NELL1: variants seen among roughly 807,000 people sequenced by gnomAD.
The protein encoded by NELL1 is protein kinase C-binding protein NELL1.
Under a neutral mutation model 107.4 loss-of-function variants are expected in NELL1, and 76 were observed. The observed-to-expected ratio is 0.71, with a 90% CI of 0.59 to 0.86. The LOEUF (loss-of-function observed/expected upper bound fraction) is 0.86. Ranked by LOEUF, NELL1 falls within the 40% of genes least tolerant of loss-of-function variation. The pLI is 0.00. For synonymous variants in NELL1, 353 were observed against 341.2 expected, an observed-to-expected ratio of 1.03 and a Z score of -0.38; for missense variants, 1,024 against 1,005.5, an observed-to-expected ratio of 1.02 and a Z score of -0.25.
intron 14 of NELL1, among the ~76,000 whole-genome samples, chr11:21,233,539 A>T (rs780189925): frequency 6.6e-6 from 1 of 152,194 alleles, no homozygotes; most frequent in Admixed American, 6.5e-5. Context: ...TACAATGATA[A>T]CCTAGAATTT....
At chr11:21,440,796 A>G (rs1210471821) in intron 15 of NELL1, among the ~76,000 whole-genome samples, 2 of 152,148 alleles carry the variant, frequency 1.3e-5, no homozygotes, top group East Asian at 3.8e-4. Flanking sequence ...GGTATTGGGT[A>G]GGAACAAAGA....
chr11:20,756,641 G>C (rs542989218), intron 2 of NELL1, among the ~76,000 whole-genome samples: 1 of 149,228 alleles, frequency 6.7e-6, no homozygotes, highest in African/African-American at 2.5e-5. Flanking sequence ...GATTACAGGC[G>C]TGAGCCACCA....
chr11:21,035,868 T>C (rs1853079108), intron 12 of NELL1, among the ~76,000 whole-genome samples: 1 of 152,086 alleles, frequency 6.6e-6, no homozygotes, highest in South Asian at 2.1e-4. Context: ...CAACATAGTA[T>C]TGGAAGTCTT....
intron 15 of NELL1, among the ~76,000 whole-genome samples, chr11:21,445,157 T>A (rs563091394): frequency 1.3e-5 from 2 of 152,214 alleles, no homozygotes; most frequent in Non-Finnish European, 2.9e-5. Context: ...TAGTTATTAT[T>A]TTATAGGTTC....
In NELL1 at chr11:21,575,451, T is replaced by C. The variant is rs1451725377; in HGVS notation, c.*429T>C. 5.8e-6 allele frequency: 1 copy of C among 171,648 alleles called. No individual in the cohort carries two copies. The highest frequency in any genetic ancestry group is 2.4e-5 in the African/African-American group (1 of 41,830). The allele number at this position is 171,648 out of a possible 1,614,324, so 10.6% of individuals were successfully genotyped here. A position where few individuals can be genotyped will look rare whatever the true frequency, so the allele number is the denominator to read the frequency against. On this transcript the variant is annotated 3_prime_UTR_variant, in exon 20 of 20. Transcript: ENST00000357134. ...CAAATTCTAAAATAAAGTTGCCTGT[T>C]GTGACTTTTGTCCCATCTACTGCAT...
intron 15 of NELL1, among the ~76,000 whole-genome samples, chr11:21,506,830 A>G (rs945497656): frequency 2.4e-4 from 36 of 152,194 alleles, no homozygotes; most frequent in African/African-American, 7.7e-4. Flanking sequence ...CCATAGCCAG[A>G]GAGACAATAG....
intron 3 of NELL1, among the ~76,000 whole-genome samples, chr11:20,817,884 C>A (rs1857658659): frequency 6.6e-6 from 1 of 151,656 alleles, no homozygotes; most frequent in African/African-American, 2.4e-5. Context: ...AAAAGTCATT[C>A]AGGAACTAGT....
intron 14 of NELL1, among the ~76,000 whole-genome samples, chr11:21,358,565 A>AT (rs75578174): frequency 0.15 from 14,906 of 97,332 alleles, 993 homozygotes; most frequent in Admixed American, 0.2. Context: ...TGCCCTGATA[A>AT]TTTTTTTTTT....
At chr11:21,335,309 A>G (rs1850366669) in intron 14 of NELL1, among the ~76,000 whole-genome samples, 1 of 152,014 alleles carries the variant, frequency 6.6e-6, no homozygotes, top group Non-Finnish European at 1.5e-5. Context: ...TTATGCAATC[A>G]ATTTGACTTT....
intron 4 of NELL1, among the ~76,000 whole-genome samples, chr11:20,882,656 C>T (rs1195612253): frequency 6.6e-6 from 1 of 152,192 alleles, no homozygotes; most frequent in African/African-American, 2.4e-5. Flanking sequence ...ACAAGACTTT[C>T]ACTTAAGTAT....
intron 16 of NELL1, among the ~76,000 whole-genome samples, chr11:21,545,930 G>C (rs1435950777): frequency 6.6e-6 from 1 of 151,932 alleles, no homozygotes; most frequent in African/African-American, 2.4e-5. Flanking sequence ...CTAGTGATCT[G>C]TGTTTTAATG....
chr11:21,024,740 CA>C (rs1852776415), intron 12 of NELL1, among the ~76,000 whole-genome samples: 1 of 152,004 alleles, frequency 6.6e-6, no homozygotes. Context: ...ATTTAGTTTC[CA>C]GGGTTTATTC....
At chr11:21,371,511 G>GTAAATAAA (rs1295690493) in intron 15 of NELL1, among the ~76,000 whole-genome samples, 1 of 152,100 alleles carries the variant, frequency 6.6e-6, no homozygotes. Flanking sequence ...TGCAATAAAT[G>GTAAATAAA]TTGTGTTTAC....
intron 12 of NELL1, among the ~76,000 whole-genome samples, chr11:21,044,876 T>G (rs938699298): frequency 2.6e-5 from 4 of 152,078 alleles, no homozygotes; most frequent in African/African-American, 9.7e-5. Context: ...GTCTCAGAGA[T>G]GGGGAAGAGG....
At chr11:20,860,356 C>T (rs568194878) in intron 4 of NELL1, among the ~76,000 whole-genome samples, 3 of 152,268 alleles carry the variant, frequency 2.0e-5, no homozygotes, top group East Asian at 1.9e-4. Context: ...AATAGGTAAT[C>T]AGCAAATATT....
At chr11:21,292,599 C>T (rs895257494) in intron 14 of NELL1, among the ~76,000 whole-genome samples, 8 of 152,110 alleles carry the variant, frequency 5.3e-5, no homozygotes, top group African/African-American at 1.4e-4. Flanking sequence ...TATATGGAAC[C>T]AAAAAGGAGC....
At chr11:21,463,948 C>T (rs534381584) in intron 15 of NELL1, among the ~76,000 whole-genome samples, 13 of 152,124 alleles carry the variant, frequency 8.5e-5, no homozygotes, top group Admixed American at 3.9e-4. Flanking sequence ...ATGATTTAAG[C>T]GCTGGGCTCA....
intron 15 of NELL1, among the ~76,000 whole-genome samples, chr11:21,497,565 G>T (rs992622904): frequency 8.6e-5 from 13 of 152,010 alleles, no homozygotes; most frequent in African/African-American, 3.1e-4. Flanking sequence ...TGTAAATTAT[G>T]AAATATCTGT....
At chr11:21,569,481 T>TGAC (rs1016899275) in intron 17 of NELL1, among the ~76,000 whole-genome samples, 3 of 151,492 alleles carry the variant, frequency 2.0e-5, no homozygotes, top group African/African-American at 7.3e-5. Flanking sequence ...ATGATGATGA[T>TGAC]GATGATGATG....
Sources: gnomAD v4.1 joint callset for allele counts (sites outside exome capture counted in the v4.1 genomes callset) on GRCh38, gnomAD v4.1.1 for gene constraint, MANE v1.5 for transcripts, NCBI Gene and HGNC (gene_info 2026-07-23, HGNC 2026-07-21) for gene names.